SPATS2: variants seen among roughly 807,000 people sequenced by gnomAD.
SPATS2 encodes spermatogenesis associated serine rich 2, also known as spermatogenesis-associated serine-rich protein 2.
In SPATS2, 38 loss-of-function variants were observed where a neutral mutation model predicts 63.7. The observed-to-expected ratio is 0.60, with a 90% confidence interval of 0.46 to 0.78. The LOEUF (loss-of-function observed/expected upper bound fraction) is 0.78, where lower values mean the gene tolerates loss of function less well. Among genes scored for constraint, SPATS2 ranks in the 30% least tolerant of loss-of-function variants. SPATS2 has a pLI of 0.00. For synonymous variants in SPATS2, 207 were observed against 232.9 expected (o/e 0.89, Z 1.01); for missense variants, 588 against 666.2 (o/e 0.88, Z 1.29).
chr12:49,410,162 G>C (rs1172453925), intron 2 of SPATS2, among the ~76,000 whole-genome samples: 1 of 151,910 alleles, frequency 6.6e-6, no homozygotes, highest in African/African-American at 2.4e-5. Context: ...TGCAGCCTCT[G>C]CCTCCCGGGC....
chr12:49,431,570 T>C (rs577247636), intron 2 of SPATS2, among the ~76,000 whole-genome samples: 3 of 152,186 alleles, frequency 2.0e-5, no homozygotes, highest in African/African-American at 4.8e-5. Flanking sequence ...CTCAAAAACA[T>C]TTGCACAGTA....
chr12:49,465,934 A>G (rs1247224268), intron 3 of SPATS2, among the ~76,000 whole-genome samples: 2 of 151,176 alleles, frequency 1.3e-5, no homozygotes, highest in East Asian at 3.9e-4. Flanking sequence ...ACAGTGTGAG[A>G]CTCCATCTCA....
intron 2 of SPATS2, among the ~76,000 whole-genome samples, chr12:49,379,446 G>T (rs551650416): frequency 2.3e-4 from 33 of 146,512 alleles, no homozygotes; most frequent in Middle Eastern, 3.5e-3. Flanking sequence ...AGCTACTCAG[G>T]AGGTTGAGGC....
chr12:49,460,914 T>A lies in SPATS2; in HGVS notation c.-99T>A, dbSNP rs1009550728. The A allele has an allele frequency of 7.0e-7, 1 of 1,421,792 alleles. No individual in the cohort carries two copies. Among genetic ancestry groups the A allele is most frequent in the African/African-American group, 1.4e-5 (1 of 69,622 alleles). The allele number at this position is 1,421,792 out of a possible 1,614,324, so 88.1% of individuals were successfully genotyped here. A position where few individuals can be genotyped will look rare whatever the true frequency, so the allele number is the denominator to read the frequency against. ...TATTTTTTGCTTCCAACTGCACACTTCCGTTGCCCACTTTTAAATCAGAGA... is the reference window on the plus strand; with the variant it reads ...TATTTTTTGCTTCCAACTGCACACTACCGTTGCCCACTTTTAAATCAGAGA... On this transcript the variant is annotated 5_prime_UTR_variant, in exon 3 of 14. Coordinates refer to ENST00000552918, the MANE Select transcript of SPATS2 (RefSeq NM_023071.4).
At chr12:49,484,882 C>A (rs1485023412) in intron 4 of SPATS2, among the ~76,000 whole-genome samples, 1 of 152,130 alleles carries the variant, frequency 6.6e-6, no homozygotes, top group Non-Finnish European at 1.5e-5. Flanking sequence ...CTTTGCCTAT[C>A]TCCATGTATA....
At chr12:49,479,938 G>T (rs1384260577) in intron 3 of SPATS2, among the ~76,000 whole-genome samples, 1 of 152,130 alleles carries the variant, frequency 6.6e-6, no homozygotes, top group Non-Finnish European at 1.5e-5. Flanking sequence ...AGGATTTACT[G>T]TGTGACTTTG....
chr12:49,410,871 A>G (rs960380244), intron 2 of SPATS2, among the ~76,000 whole-genome samples: 1 of 151,542 alleles, frequency 6.6e-6, no homozygotes, highest in African/African-American at 2.4e-5. Context: ...GTTAGGTGCT[A>G]TCAAATATCT....
At chr12:49,389,307 C>G (rs1250011866) in intron 2 of SPATS2, among the ~76,000 whole-genome samples, 1 of 152,142 alleles carries the variant, frequency 6.6e-6, no homozygotes, top group African/African-American at 2.4e-5. Flanking sequence ...AGAGGTGTCT[C>G]CCCCGCCGGT....
At chr12:49,428,277 A>C (rs139729063) in intron 2 of SPATS2, among the ~76,000 whole-genome samples, 1,769 of 149,886 alleles carry the variant, frequency 0.012, 12 homozygotes, top group South Asian at 0.027. Context: ...AACAAACAAA[A>C]AAAAAAAACA....
intron 6 of SPATS2, among the ~76,000 whole-genome samples, chr12:49,492,823 C>T (rs1267571280): frequency 6.6e-6 from 1 of 151,868 alleles, no homozygotes; most frequent in South Asian, 2.1e-4. Flanking sequence ...AGGCCGGGCA[C>T]GGTGGTTCAT....
intron 2 of SPATS2, among the ~76,000 whole-genome samples, chr12:49,401,502 A>G (rs978133529): frequency 6.6e-6 from 1 of 152,036 alleles, no homozygotes; most frequent in Non-Finnish European, 1.5e-5. Flanking sequence ...TGTACCCTCA[A>G]CCATTTCTAC....
At chr12:49,387,827 C>G (rs954630680) in intron 2 of SPATS2, among the ~76,000 whole-genome samples, 2 of 152,082 alleles carry the variant, frequency 1.3e-5, no homozygotes, top group Non-Finnish European at 2.9e-5. Flanking sequence ...TACCTAGATC[C>G]CCTGCTGACA....
chr12:49,496,953 C>T lies in SPATS2; in HGVS notation c.647C>T (p.Thr216Ile), dbSNP rs377678117. The change falls in exon 8 of 14, where the codon ACT (threonine) becomes ATT (isoleucine). Residue 216 changes from threonine to isoleucine, a missense_variant. Coordinates refer to ENST00000552918, the MANE Select transcript of SPATS2 (RefSeq NM_023071.4). ...TCTCTCTCAAGACCTACCACAGAAA[C>T]TCAGTTTTCAAATATGGGGATGGAA... ...AKSLSRPTTE[T>I]QFSNMGMEDV... The T allele has an allele frequency of 6.2e-7, 1 of 1,605,698 alleles. No individual in the cohort carries two copies.
chr12:49,408,905 C>G (rs1413466974), intron 2 of SPATS2, among the ~76,000 whole-genome samples: 1 of 152,068 alleles, frequency 6.6e-6, no homozygotes, highest in African/African-American at 2.4e-5. Context: ...ATGTTATTTT[C>G]TGTAATAATG....
At chr12:49,369,227 C>G (rs1392765197) in intron 1 of SPATS2, among the ~76,000 whole-genome samples, 1 of 151,972 alleles carries the variant, frequency 6.6e-6, no homozygotes, top group Non-Finnish European at 1.5e-5. Flanking sequence ...GGGGGTTTCA[C>G]CATCTTGGCC....
intron 2 of SPATS2, among the ~76,000 whole-genome samples, chr12:49,394,692 C>G (rs1944477901): frequency 6.6e-6 from 1 of 151,898 alleles, no homozygotes; most frequent in South Asian, 2.1e-4. Flanking sequence ...ACCTTGTATC[C>G]TGCAACGTTG....
rs961301947 is a variant in SPATS2, at chr12:49,524,534, C to A, written c.1112-148C>A. On this transcript the variant is annotated intron_variant, in intron 12 of 13. Transcript: ENST00000552918. Reference sequence around the variant, plus strand: ...GGAAGAGGGCAGAAGGGAGATTTTTCTTCCTGTTACCAGTTTTATAGGTTT... The same window carrying A: ...GGAAGAGGGCAGAAGGGAGATTTTTATTCCTGTTACCAGTTTTATAGGTTT... 6.4e-6 allele frequency: 5 copies of A among 778,072 alleles called. No individual in the cohort carries two copies. The South Asian group carries it at 7.6e-5, about 12-fold the overall frequency. 48.2% of individuals were successfully genotyped at this position (778,072 alleles called of 1,614,324 possible). A position where few individuals can be genotyped will look rare whatever the true frequency, so the allele number is the denominator to read the frequency against.
intron 2 of SPATS2, among the ~76,000 whole-genome samples, chr12:49,393,779 A>G (rs1438954149): frequency 6.6e-6 from 1 of 152,152 alleles, no homozygotes; most frequent in East Asian, 1.9e-4. Context: ...TCTGTTTTAT[A>G]GCACAAGAAA....
intron 9 of SPATS2, among the ~76,000 whole-genome samples, chr12:49,514,154 CAA>C (rs5798108): frequency 4.8e-4 from 56 of 117,596 alleles, no homozygotes; most frequent in African/African-American, 8.3e-4. Flanking sequence ...GACTCCGTCT[CAA>C]AAAAAAAAAA....
Sources: gnomAD v4.1 joint callset for allele counts (sites outside exome capture counted in the v4.1 genomes callset) on GRCh38, gnomAD v4.1.1 for gene constraint, MANE v1.5 for transcripts, NCBI Gene and HGNC (gene_info 2026-07-23, HGNC 2026-07-21) for gene names.